TPP2: variants seen among roughly 807,000 people sequenced by gnomAD.
The protein encoded by TPP2 is tripeptidyl peptidase 2, also known as tripeptidyl-peptidase 2.
TPP2 carries 34 observed loss-of-function variants against 155.9 expected under a neutral mutation model. The ratio of observed to expected loss-of-function variants is 0.22; its 90% CI spans 0.17 to 0.29. TPP2 has a LOEUF of 0.29. Ranked by LOEUF, TPP2 falls within the 10% of genes least tolerant of loss-of-function variation. The probability of loss-of-function intolerance (pLI) is 1.00; values close to 1 mark genes in which losing one functional copy is unlikely to be tolerated. For missense variants in TPP2, 1,028 were observed against 1,522.3 expected, an observed-to-expected ratio of 0.68 and a Z score of 5.40; for synonymous variants, 510 against 529.4, an observed-to-expected ratio of 0.96 and a Z score of 0.50.
chr13:102,626,290 C>T (rs1399680251), intron 6 of TPP2, among the ~76,000 whole-genome samples: 1 of 152,074 alleles, frequency 6.6e-6, no homozygotes, highest in Admixed American at 6.6e-5. Context: ...TTGTATGTGA[C>T]TTCTTTAGTT....
intron 3 of TPP2, among the ~76,000 whole-genome samples, chr13:102,615,367 C>T (rs1566325200): frequency 1.3e-5 from 2 of 152,050 alleles, no homozygotes; most frequent in South Asian, 4.1e-4. Flanking sequence ...CCAGGCTGGT[C>T]TCGAACTCCT....
chr13:102,627,791 T>C, intron 7 of TPP2, 57 bp from the exon 8 acceptor site: 3 of 1,284,728 alleles, frequency 2.3e-6, no homozygotes, highest in Non-Finnish European at 3.4e-6. Flanking sequence ...CTTATTTTAC[T>C]GGCTAATCTG....
chr13:102,644,377 C>A (rs929390787), intron 17 of TPP2, among the ~76,000 whole-genome samples, 180 bp from the exon 18 acceptor site: 4 of 152,122 alleles, frequency 2.6e-5, no homozygotes, highest in African/African-American at 9.7e-5. Flanking sequence ...TTTAAATACA[C>A]CATATCTCTG....
intron 14 of TPP2, among the ~76,000 whole-genome samples, 189 bp from the exon 15 acceptor site, chr13:102,638,050 A>G (rs1355364804): frequency 6.6e-6 from 1 of 152,184 alleles, no homozygotes; most frequent in Non-Finnish European, 1.5e-5. Flanking sequence ...AACTGGTCAA[A>G]TGTTGCTATA....
At chr13:102,656,665 G>A (rs141159799) in intron 24 of TPP2, among the ~76,000 whole-genome samples, 8 of 152,218 alleles carry the variant, frequency 5.3e-5, no homozygotes, top group Non-Finnish European at 8.8e-5. Context: ...AGGCATAAGC[G>A]TCCCCTTAAA....
At chr13:102,646,421 A>C in intron 20 of TPP2, 31 bp downstream of exon 20, 1 of 1,549,616 alleles carries the variant, frequency 6.5e-7, no homozygotes, top group Non-Finnish European at 8.8e-7. Context: ...GTGTACCCTT[A>C]GGATGAACTT....
chr13:102,628,561 G>A (rs535346879), intron 8 of TPP2, among the ~76,000 whole-genome samples: 87 of 152,090 alleles, frequency 5.7e-4, no homozygotes, highest in African/African-American at 2.0e-3. Context: ...CTCCTTCCTC[G>A]TTGGCTTCAT....
At chr13:102,619,797 A>G (rs1014413541) in intron 5 of TPP2, among the ~76,000 whole-genome samples, 8 of 152,208 alleles carry the variant, frequency 5.3e-5, no homozygotes, top group Non-Finnish European at 1.2e-4. Context: ...GTATTCATAC[A>G]TGTTGTTTTG....
chr13:102,638,639 A>G (rs1882550056), intron 15 of TPP2, among the ~76,000 whole-genome samples: 2 of 152,100 alleles, frequency 1.3e-5, no homozygotes, highest in Non-Finnish European at 1.5e-5. Flanking sequence ...GTATTTGACA[A>G]TATTACTTCA....
chr13:102,672,472 A>G (rs1885043613), intron 27 of TPP2, among the ~76,000 whole-genome samples: 1 of 152,156 alleles, frequency 6.6e-6, no homozygotes, highest in South Asian at 2.1e-4. Context: ...CCTTCAGCCA[A>G]ATCCTCTTTC....
intron 24 of TPP2, 152 bp from the exon 25 acceptor site, chr13:102,656,904 A>C: frequency 1.6e-6 from 1 of 641,016 alleles, no homozygotes; most frequent in Non-Finnish European, 2.4e-6. Flanking sequence ...CAGAGATTGG[A>C]ATTTTTGGTG....
intron 27 of TPP2, among the ~76,000 whole-genome samples, chr13:102,672,735 G>A (rs1885059692): frequency 6.6e-6 from 1 of 152,204 alleles, no homozygotes; most frequent in African/African-American, 2.4e-5. Flanking sequence ...GCATCTAAGA[G>A]GAGGGGGAAG....
intron 2 of TPP2, among the ~76,000 whole-genome samples, chr13:102,605,431 C>T (rs1010966112): frequency 2.0e-5 from 3 of 152,174 alleles, no homozygotes; most frequent in Non-Finnish European, 4.4e-5. Context: ...CTAGCACACA[C>T]TTAAGGGGAA....
intron 17 of TPP2, 25 bp from the exon 18 acceptor site, chr13:102,644,532 A>G (rs915146294): frequency 1.3e-6 from 2 of 1,519,226 alleles, no homozygotes; most frequent in East Asian, 4.5e-5. Flanking sequence ...GAAAAGAGAT[A>G]TATTTTATTT....
At chr13:102,664,462 G>C (rs1884456939) in intron 26 of TPP2, among the ~76,000 whole-genome samples, 2 of 151,726 alleles carry the variant, frequency 1.3e-5, no homozygotes, top group South Asian at 2.1e-4. Context: ...CACATTTCTA[G>C]AATCTTAAGA....
chr13:102,631,167 A>G (rs1369605490), intron 10 of TPP2: 6 of 152,256 alleles, frequency 3.9e-5, no homozygotes, highest in Non-Finnish European at 7.3e-5. Context: ...TGTTTGAAGT[A>G]TAAGATTAGT....
intron 26 of TPP2, among the ~76,000 whole-genome samples, chr13:102,664,446 G>A (rs1278452222): frequency 6.6e-6 from 1 of 151,684 alleles, no homozygotes; most frequent in Non-Finnish European, 1.5e-5. Context: ...AATGACAATA[G>A]CCAATCACAT....
chr13:102,658,657 AAG>A (rs1884008083), intron 25 of TPP2, among the ~76,000 whole-genome samples: 1 of 152,224 alleles, frequency 6.6e-6, no homozygotes, highest in South Asian at 2.1e-4. Flanking sequence ...TAAGAAAAGC[AAG>A]AGTCTGTGAT....
At chr13:102,636,116 G>A (rs910299288) in intron 12 of TPP2, 108 bp from the exon 13 acceptor site, 2 of 1,127,380 alleles carry the variant, frequency 1.8e-6, no homozygotes, top group African/African-American at 1.6e-5. Context: ...GGTGAATATA[G>A]ACACTAACTT....
Sources: gnomAD v4.1 joint callset for allele counts (sites outside exome capture counted in the v4.1 genomes callset) on GRCh38, gnomAD v4.1.1 for gene constraint, MANE v1.5 for transcripts, NCBI Gene and HGNC (gene_info 2026-07-23, HGNC 2026-07-21) for gene names.